ZNF721: variants seen among roughly 807,000 people sequenced by gnomAD.
ZNF721 encodes zinc finger protein 721.
ZNF721 carries 2 observed loss-of-function variants against 2.4 expected under a neutral mutation model. That is an observed-to-expected ratio of 0.82 (90% CI 0.34 to 2.58). The LOEUF is 2.58. ZNF721 is among the 30% of genes most tolerant of loss of function. ZNF721 has a pLI of 0.11. For missense variants in ZNF721, 1,187 were observed against 1,085.5 expected, an observed-to-expected ratio of 1.09 and a Z score of -1.31; for synonymous variants, 398 against 381.8, an observed-to-expected ratio of 1.04 and a Z score of -0.50.
At chr4:462,650 G>T (rs1715104590) in intron 2 of ZNF721, among the ~76,000 whole-genome samples, 1 of 152,204 alleles carries the variant, frequency 6.6e-6, no homozygotes, top group Non-Finnish European at 1.5e-5. Context: ...CAAGCAACAG[G>T]GAAAGGATTC....
intron 2 of ZNF721, among the ~76,000 whole-genome samples, chr4:450,592 C>G (rs890573697): frequency 9.9e-5 from 15 of 151,992 alleles, no homozygotes; most frequent in Non-Finnish European, 2.1e-4. Context: ...AAAAATATCT[C>G]AAAAATATTC....
chr4:468,216 G>C (rs567484826), intron 2 of ZNF721, among the ~76,000 whole-genome samples: 1 of 151,256 alleles, frequency 6.6e-6, no homozygotes, highest in South Asian at 2.1e-4. Flanking sequence ...GCAGTGAGCT[G>C]AGATAGCACC....
At position 487,587 on chromosome 4, in the gene ZNF721, G is replaced by T. The variant is rs571617449; in HGVS notation, c.-94+11469C>A. Among the ~76,000 whole-genome samples the T allele has an allele frequency of 2.3e-4, 35 of 152,310 alleles. 1 individual carries two copies. In the South Asian group the frequency reaches 5.6e-3, roughly 24 times the overall value. On this transcript the variant is annotated intron_variant, in intron 1 of 2. Transcript: ENST00000511833. ...TAATATATACACCCATTAAAGACAG[G>T]ATTCCAGGATTCCAGGACAAATTGA... is the stretch of plus-strand genomic sequence containing the variant.
chr4:476,445 T>A (rs1457626391), intron 1 of ZNF721, among the ~76,000 whole-genome samples: 1 of 152,216 alleles, frequency 6.6e-6, no homozygotes, highest in African/African-American at 2.4e-5. Flanking sequence ...TGCAGGCTTA[T>A]CTCTGCCTCC....
At chr4:452,716 G>A (rs541895997) in intron 2 of ZNF721, among the ~76,000 whole-genome samples, 1 of 152,260 alleles carries the variant, frequency 6.6e-6, no homozygotes, top group Non-Finnish European at 1.5e-5. Context: ...GCCATAGGCT[G>A]GCAAAGCTTA....
chr4:446,220 C>A (rs11729407), intron 2 of ZNF721, among the ~76,000 whole-genome samples: 60,955 of 151,844 alleles, frequency 0.4, 12,598 homozygotes, highest in African/African-American at 0.5. Flanking sequence ...TACCACTATC[C>A]TAATAGTGCG....
At position 444,204 on chromosome 4, in the gene ZNF721, T is replaced by G. The variant is rs747724157; in HGVS notation, c.263A>C (p.Lys88Thr). The change falls in exon 3 of 3, where the codon AAA becomes ACA. Residue 88 changes from lysine (K) to threonine (T), a missense_variant. By Grantham distance (78) the Lys-to-Thr change is moderately conservative. Transcript: ENST00000511833. ...TGAATTTGCAAATTTACTAAAAACT[T>G]TGACACGTGCATTACATTGAAATAT... is the stretch of plus-strand genomic sequence containing the variant. ...SKIFQCNARV[K>T]VFSKFANSNK... The G allele has an allele frequency of 6.2e-7, 1 of 1,613,808 alleles. No individual in the cohort carries two copies. The highest frequency in any genetic ancestry group is 1.3e-5 in the African/African-American group (1 of 75,024).
chr4:448,444 A>ACCC (rs1714548920), intron 2 of ZNF721, among the ~76,000 whole-genome samples: 5 of 102,090 alleles, frequency 4.9e-5, no homozygotes, highest in Non-Finnish European at 9.8e-5. Context: ...TCCCCCCCCA[A>ACCC]AAAAAAAAAA....
At chr4:465,481 G>C (rs1715217053) in intron 2 of ZNF721, among the ~76,000 whole-genome samples, 1 of 151,232 alleles carries the variant, frequency 6.6e-6, no homozygotes, top group Admixed American at 6.6e-5. Flanking sequence ...GCCCAGGCTG[G>C]AGTGCAGTGG....
rs1333313923 is a variant in ZNF721, at chr4:463,366, G to A, written c.34+9209C>T. Among the ~76,000 whole-genome samples, 5 of 152,280 alleles carry A rather than the reference G, an allele frequency of 3.3e-5. No individual in the cohort carries two copies. The South Asian group carries it at 6.2e-4, about 19-fold the overall frequency. On this transcript the variant is annotated intron_variant, in intron 2 of 2. Coordinates refer to ENST00000511833, the MANE Select transcript of ZNF721 (RefSeq NM_133474.4). ...AGTGTGGCGATTCCTCAAGGATCTAGACCCAGAAATACCATTTGACCCCAT... is the reference window on the plus strand; with the variant it reads ...AGTGTGGCGATTCCTCAAGGATCTAAACCCAGAAATACCATTTGACCCCAT...
chr4:465,626 T>G (rs1203455577), intron 2 of ZNF721, among the ~76,000 whole-genome samples: 1 of 150,918 alleles, frequency 6.6e-6, no homozygotes, highest in Non-Finnish European at 1.5e-5. Flanking sequence ...TAGAGATGGG[T>G]TTCCACCATG....
chr4:482,497 T>C (rs1396566728), intron 1 of ZNF721, among the ~76,000 whole-genome samples: 6 of 148,164 alleles, frequency 4.0e-5, no homozygotes, highest in Non-Finnish European at 8.9e-5. Context: ...TCAAGTTGTT[T>C]CTGTTTTTGT....
chr4:464,758 C>G (rs1023492307), intron 2 of ZNF721, among the ~76,000 whole-genome samples: 23 of 152,028 alleles, frequency 1.5e-4, no homozygotes, highest in African/African-American at 5.6e-4. Flanking sequence ...ATAAAGATTT[C>G]AGAATGCTAT....
chr4:453,918 G>A (rs984298027), intron 2 of ZNF721: 5 of 152,078 alleles, frequency 3.3e-5, no homozygotes, highest in Admixed American at 6.6e-5. Context: ...TGCCTGGAAC[G>A]GTATATATTG....
chr4:478,576 T>C (rs76602572), intron 1 of ZNF721, among the ~76,000 whole-genome samples: 6,623 of 152,268 alleles, frequency 0.043, 202 homozygotes, highest in African/African-American at 0.089. Context: ...TTTTATAAAA[T>C]AGATTTTCCA....
At chr4:482,553 G>A (rs7674542) in intron 1 of ZNF721, among the ~76,000 whole-genome samples, 27,406 of 151,452 alleles carry the variant, frequency 0.18, 3,081 homozygotes, top group Middle Eastern at 0.26. Flanking sequence ...TTGAAGTGAA[G>A]TGGCGTGATC....
Position 484,852 on chromosome 4 carries a change from C to A in ZNF721, c.-93-12151G>T, listed in dbSNP as rs1240305813. Among the ~76,000 whole-genome samples the A allele has an allele frequency of 1.3e-5, 2 of 152,182 alleles. 1 individual carries two copies. Among genetic ancestry groups the A allele is most frequent in the Admixed American group, 1.3e-4 (2 of 15,274 alleles). On this transcript the variant is annotated intron_variant, in intron 1 of 2. Transcript: ENST00000511833. ...TGATATTCTATTACCCTGTTAAGTA[C>A]TTGAAGTCTGTCACCCACACCTATT...
chr4:444,160 G>A lies in ZNF721; in HGVS notation c.307C>T (p.His103Tyr). ...FANSNKDKTR[H>Y]TGEKHFKCNE... Reference sequence around the variant, plus strand: ...CATTTAAAGTGTTTCTCTCCAGTATGTCTTGTCTTATCTTTGTTTGAATTT... The same window carrying A: ...CATTTAAAGTGTTTCTCTCCAGTATATCTTGTCTTATCTTTGTTTGAATTT... The change falls in exon 3 of 3, where the codon CAT becomes TAT. Residue 103 changes from histidine (H) to tyrosine (Y), a missense_variant. Physicochemically the swap from His to Tyr is moderately conservative, Grantham distance 83. Transcript: ENST00000511833. 6.2e-7 allele frequency: 1 copy of A among 1,613,910 alleles called. No individual in the cohort carries two copies. Among genetic ancestry groups the A allele is most frequent in the Non-Finnish European group, 8.5e-7 (1 of 1,179,932 alleles).
At chr4:450,497 A>T (rs1714612607) in intron 2 of ZNF721, among the ~76,000 whole-genome samples, 1 of 152,214 alleles carries the variant, frequency 6.6e-6, no homozygotes, top group Non-Finnish European at 1.5e-5. Context: ...TTATGCAACT[A>T]GTCTCGGCAA....
Sources: allele counts gnomAD v4.1 joint callset (sites outside exome capture counted in the v4.1 genomes callset), GRCh38; gene constraint gnomAD v4.1.1; transcripts MANE v1.5; gene names NCBI Gene and HGNC (gene_info 2026-07-23, HGNC 2026-07-21).